ABCA10: variants seen among roughly 807,000 people sequenced by gnomAD.
ABCA10 encodes ATP-binding cassette sub-family A member 10.
In ABCA10, 169 loss-of-function variants were observed where a neutral mutation model predicts 187.5. The ratio of observed to expected loss-of-function variants is 0.90; its 90% CI spans 0.80 to 1.02. ABCA10 has a LOEUF of 1.02. Ranked by LOEUF, ABCA10 falls within the 50% of genes least tolerant of loss-of-function variation. ABCA10 has a pLI of 0.00. For synonymous variants in ABCA10, 574 were observed against 601.8 expected (o/e 0.95, Z 0.68); for missense variants, 1,727 against 1,812.4 (o/e 0.95, Z 0.86).
chr17:69,220,237 G>A (rs1424640774), intron 5 of ABCA10, among the ~76,000 whole-genome samples: 1 of 152,060 alleles, frequency 6.6e-6, no homozygotes, highest in Admixed American at 6.6e-5. Context: ...ACAAAGATTG[G>A]GGGAGGGGGG....
chr17:69,156,931 A>G lies in ABCA10; in HGVS notation c.3364-8T>C. On this transcript the variant is annotated splice_polypyrimidine_tract_variant and splice_region_variant and intron_variant, in intron 27 of 38. Transcript: ENST00000690296. ...AACACTCTGAAGGTATGGCTAAAAG[A>G]AAAGAAAAATAATCAGAATTAGCAT... The G allele has an allele frequency of 1.3e-6, 2 of 1,531,422 alleles. No homozygotes were observed. 94.9% of individuals were successfully genotyped at this position (1,531,422 alleles called of 1,614,324 possible).
At chr17:69,183,955 A>T (rs2074401097) in intron 20 of ABCA10, among the ~76,000 whole-genome samples, 1 of 152,118 alleles carries the variant, frequency 6.6e-6, no homozygotes, top group Admixed American at 6.5e-5. Flanking sequence ...GCTTTCTCAA[A>T]GGGAGTCTTG....
chr17:69,197,038 G>A (rs771451129), intron 11 of ABCA10, 26 bp downstream of exon 11: 37 of 1,531,964 alleles, frequency 2.4e-5, no homozygotes, highest in Non-Finnish European at 3.0e-5. Context: ...GGGAGAGGGA[G>A]AGGGAGAGGG....
At chr17:69,194,546 A>T in intron 11 of ABCA10, 51 bp from the exon 12 acceptor site, 1 of 1,336,396 alleles carries the variant, frequency 7.5e-7, no homozygotes, top group Non-Finnish European at 1.0e-6. Context: ...ATGCAGATGG[A>T]ATGGACCTTA....
At chr17:69,196,857 A>T (rs1313109397) in intron 11 of ABCA10, among the ~76,000 whole-genome samples, 4 of 152,176 alleles carry the variant, frequency 2.6e-5, no homozygotes, top group Non-Finnish European at 5.9e-5. Flanking sequence ...CCAAAAAAAT[A>T]CGAAAACCAG....
intron 12 of ABCA10, 41 bp downstream of exon 12, chr17:69,194,344 T>A: frequency 6.6e-7 from 1 of 1,521,016 alleles, no homozygotes; most frequent in Non-Finnish European, 9.1e-7. Context: ...ATTTACAACT[T>A]GCTTTTTCAG....
At chr17:69,191,059 T>C (rs2074455931) in intron 17 of ABCA10, 117 bp downstream of exon 17, 5 of 1,027,032 alleles carry the variant, frequency 4.9e-6, no homozygotes, top group African/African-American at 1.7e-5. Context: ...AGATTACTTA[T>C]GAATAAATAT....
In ABCA10 at chr17:69,193,980, G is replaced by A; in HGVS notation, c.1355C>T (p.Thr452Ile). 6.3e-7 allele frequency: 1 copy of A among 1,597,722 alleles called. No homozygotes were observed. Among genetic ancestry groups the A allele is most frequent in the Non-Finnish European group, 8.5e-7 (1 of 1,170,192 alleles). The change falls in exon 13 of 39, where the codon ACT (threonine) becomes ATT (isoleucine). Residue 452 changes from threonine to isoleucine, a missense_variant. Thr to Ile is a moderately conservative substitution (Grantham distance 89, BLOSUM62 -1). Coordinates refer to ENST00000690296, the MANE Select transcript of ABCA10 (RefSeq NM_001377321.1). ...TTCAGAGAGTTGAGTATTATAAATAGTGGCTGATCCTATAAATAGAAATTT... is the reference window on the plus strand; with the variant it reads ...TTCAGAGAGTTGAGTATTATAAATAATGGCTGATCCTATAAATAGAAATTT... ...GLSVSTEGSATIYNTQLSEIT... is the reference protein window; with the variant it reads ...GLSVSTEGSAIIYNTQLSEIT...
intron 11 of ABCA10, 70 bp downstream of exon 11, chr17:69,196,994 G>C: frequency 8.7e-7 from 1 of 1,145,184 alleles, no homozygotes; most frequent in Non-Finnish European, 1.2e-6. Context: ...GGCATCAGAG[G>C]GAGACCGTGG....
At chr17:69,193,759 A>G (rs2074479054) in intron 13 of ABCA10, 55 bp downstream of exon 13, 1 of 1,581,724 alleles carries the variant, frequency 6.3e-7, no homozygotes, top group African/African-American at 1.4e-5. Flanking sequence ...CAAAAAAAAT[A>G]TATAGTCAAA....
At chr17:69,156,153 C>T (rs529920198) in intron 28 of ABCA10, among the ~76,000 whole-genome samples, 148 of 152,314 alleles carry the variant, frequency 9.7e-4, no homozygotes, top group African/African-American at 3.2e-3. Flanking sequence ...TATCTGTCAA[C>T]TGGCTCTGTC....
Position 69,153,904 on chromosome 17 carries a change from TTG to T in ABCA10, c.3890_3891del (p.Thr1297AsnfsTer31). The T allele has an allele frequency of 6.2e-7, 1 of 1,614,158 alleles. No homozygotes were observed. The highest frequency in any genetic ancestry group is 8.5e-7 in the Non-Finnish European group (1 of 1,179,988). ...PQENSLWPKL[T>X]MKEHLELYAA... Reference sequence around the variant, plus strand: ...GCATACAACTCCAAGTGCTCTTTCATTGTAAGCTTGGGCCACAGTGAGTTCTC... The same window carrying T: ...GCATACAACTCCAAGTGCTCTTTCATTAAGCTTGGGCCACAGTGAGTTCTC... On this transcript the variant is annotated frameshift_variant, in exon 32 of 39. Coordinates refer to ENST00000690296, the MANE Select transcript of ABCA10 (RefSeq NM_001377321.1). LOFTEE classifies it high-confidence loss of function.
chr17:69,194,419 T>C lies in ABCA10; in HGVS notation c.1311A>G (p.Leu437=), dbSNP rs1568063816. The change falls in exon 12 of 39, where the codon CTA becomes CTG. Residue 437 remains leucine, a synonymous_variant. Coordinates refer to ENST00000690296, the MANE Select transcript of ABCA10 (RefSeq NM_001377321.1). ...GHNGAGKSTL[L]NILSGLSVST... ...AAACAGACAATCCACTAAGAATGTT[T>C]AGCAGTGTTGATTTACCAGCTCCAT... is the stretch of plus-strand genomic sequence containing the variant. The C allele has an allele frequency of 2.0e-5, 33 of 1,613,074 alleles. No individual in the cohort carries two copies. Among genetic ancestry groups the C allele is most frequent in the Non-Finnish European group, 2.6e-5 (31 of 1,179,304 alleles).
chr17:69,226,057 T>C (rs1333732896), intron 2 of ABCA10, among the ~76,000 whole-genome samples: 1 of 152,122 alleles, frequency 6.6e-6, no homozygotes, highest in African/African-American at 2.4e-5. Context: ...GGGGGAAATT[T>C]GGAAAATTGA....
chr17:69,214,287 G>A (rs891074181), intron 9 of ABCA10, among the ~76,000 whole-genome samples: 8 of 152,158 alleles, frequency 5.3e-5, no homozygotes, highest in South Asian at 4.1e-4. Context: ...AGGCCGAGGC[G>A]GGCGGATCAC....
intron 9 of ABCA10, among the ~76,000 whole-genome samples, chr17:69,209,391 T>C (rs1164206645): frequency 6.6e-6 from 1 of 152,180 alleles, no homozygotes; most frequent in East Asian, 1.9e-4. Context: ...GCCACATACA[T>C]AAGAAATTAC....
At chr17:69,151,087 C>G (rs1352902289) in intron 36 of ABCA10, among the ~76,000 whole-genome samples, 1 of 152,306 alleles carries the variant, frequency 6.6e-6, no homozygotes, top group East Asian at 1.9e-4. Flanking sequence ...TCTCAATGAC[C>G]TCTTCCTTCT....
In ABCA10 at chr17:69,193,626, C is replaced by T. The variant is rs2074477885; in HGVS notation, c.1522-14G>A. ...AATTCTTTTTACCTATCAAAGAAAA[C>T]TCTGTGTTAACAATATCAAATATTT... On this transcript the variant is annotated splice_polypyrimidine_tract_variant and intron_variant, in intron 13 of 38. Transcript: ENST00000690296. 2 of 1,592,052 alleles carry T rather than the reference C, an allele frequency of 1.3e-6. No homozygotes were observed. The highest frequency in any genetic ancestry group is 2.3e-5 in the South Asian group (2 of 87,634).
chr17:69,170,672 T>C (rs1245326298), intron 25 of ABCA10, among the ~76,000 whole-genome samples: 1 of 152,080 alleles, frequency 6.6e-6, no homozygotes. Context: ...ACAGATACCC[T>C]AAAGGGTCTT....
Sources: allele counts gnomAD v4.1 joint callset (sites outside exome capture counted in the v4.1 genomes callset), GRCh38; gene constraint gnomAD v4.1.1; transcripts MANE v1.5; gene names NCBI Gene and HGNC (gene_info 2026-07-23, HGNC 2026-07-21).